ST7: variants seen among roughly 807,000 people sequenced by gnomAD.
The protein encoded by ST7 is suppressor of tumorigenicity 7 protein.
A neutral mutation model predicts 78.7 loss-of-function variants in ST7; 28 were observed. The ratio of observed to expected loss-of-function variants is 0.36; its 90% CI spans 0.26 to 0.49. ST7 has a LOEUF of 0.49. ST7 is among the 20% of genes least tolerant of loss of function. ST7 has a pLI of 0.99. For missense variants in ST7, 418 were observed against 696.0 expected (o/e 0.60, Z 4.49); for synonymous variants, 247 against 249.6 (o/e 0.99, Z 0.10).
intron 1 of ST7, among the ~76,000 whole-genome samples, chr7:116,988,146 A>G (rs1794267286): frequency 6.6e-6 from 1 of 152,206 alleles, no homozygotes; most frequent in Non-Finnish European, 1.5e-5. Flanking sequence ...TATGACTTGT[A>G]AAAATCCAAA....
chr7:117,078,137 C>G (rs915826763), intron 1 of ST7, among the ~76,000 whole-genome samples: 2 of 152,128 alleles, frequency 1.3e-5, no homozygotes, highest in African/African-American at 4.8e-5. Flanking sequence ...ATCCCTAAAT[C>G]TTTTCTAGGA....
intron 3 of ST7, among the ~76,000 whole-genome samples, chr7:117,121,688 A>G (rs911459803): frequency 1.3e-5 from 2 of 152,120 alleles, no homozygotes; most frequent in Non-Finnish European, 2.9e-5. Flanking sequence ...TTAGATTTGT[A>G]TGTTTTCCTC....
At chr7:117,117,806 A>C (rs180749520) in intron 2 of ST7, 1 of 152,306 alleles carries the variant, frequency 6.6e-6, no homozygotes, top group East Asian at 1.9e-4. Flanking sequence ...GGTGTTTTAC[A>C]TGGGGTTAGT....
At position 117,160,243 on chromosome 7, in the gene ST7, A is replaced by G. The variant is rs576835725; in HGVS notation, c.964-10619A>G. 2.6e-3 allele frequency among the ~76,000 whole-genome samples: 391 copies of G among 150,590 alleles called. 3 individuals carry two copies. Among genetic ancestry groups the G allele is most frequent in the African/African-American group, 8.3e-3 (338 of 40,504 alleles). ...GTGAAACTGTGTCTCAAAAAAAAAA[A>G]AAAGAAAGAAAGAAAGAAAACAAAA... On this transcript the variant is annotated intron_variant, in intron 9 of 15. Transcript: ENST00000323984.
Position 117,134,139 on chromosome 7 carries a change from T to C in ST7, c.657T>C (p.Val219=). 1 of 1,611,974 alleles carries C rather than the reference T, an allele frequency of 6.2e-7. No individual in the cohort carries two copies. Among genetic ancestry groups the C allele is most frequent in the Non-Finnish European group, 8.5e-7 (1 of 1,178,748 alleles). Residue 219 remains valine (V), a synonymous_variant, in exon 7 of 16, where the codon GTT becomes GTC. Transcript: ENST00000323984. The stretch of plus-strand genomic sequence containing the variant: ...TCTTGGTCAGAATTAGGTCCAGAGT[T>C]GAAGTTCCCCTAATTGCTTCCTCTA... The part of the protein sequence containing the change: ...ALEINEIRSR[V]EVPLIASSTI...
chr7:117,213,430 A>G (rs2116080689), intron 13 of ST7, among the ~76,000 whole-genome samples: 1 of 152,288 alleles, frequency 6.6e-6, no homozygotes, highest in East Asian at 1.9e-4. Flanking sequence ...AGTTTCTGTC[A>G]AAAGTGTTCT....
At position 117,056,545 on chromosome 7, in the gene ST7, G is replaced by C. The variant is rs532032687; in HGVS notation, c.152-43217G>C. On this transcript the variant is annotated intron_variant, in intron 1 of 15. Coordinates refer to ENST00000323984, the MANE Select transcript of ST7 (RefSeq NM_001369598.1). ...AGCTACTCGGGAGCCTGAGGCAGGAGAATCACTTGAACCCAGGAGGCAGAG... is the reference window on the plus strand; with the variant it reads ...AGCTACTCGGGAGCCTGAGGCAGGACAATCACTTGAACCCAGGAGGCAGAG... 2.7e-3 allele frequency among the ~76,000 whole-genome samples: 416 copies of C among 152,234 alleles called. 3 individuals carry two copies. Among genetic ancestry groups the C allele is most frequent in the African/African-American group, 9.4e-3 (391 of 41,538 alleles).
chr7:117,028,820 G>C (rs1796330130), intron 1 of ST7, among the ~76,000 whole-genome samples: 1 of 152,090 alleles, frequency 6.6e-6, no homozygotes, highest in Admixed American at 6.6e-5. Flanking sequence ...GGATAGCTCT[G>C]GCATATACTA....
chr7:117,214,593 G>A (rs984452879), intron 13 of ST7, among the ~76,000 whole-genome samples: 1 of 152,024 alleles, frequency 6.6e-6, no homozygotes, highest in Non-Finnish European at 1.5e-5. Context: ...CTGTAATTTC[G>A]GAGAAAGCAA....
At chr7:117,180,816 A>T (rs1191103696) in intron 10 of ST7, among the ~76,000 whole-genome samples, 5 of 151,840 alleles carry the variant, frequency 3.3e-5, no homozygotes, top group East Asian at 1.9e-4. Flanking sequence ...TGCCTGGCCA[A>T]TTTTTTCTAT....
At chr7:117,022,274 G>A (rs924916279) in intron 1 of ST7, among the ~76,000 whole-genome samples, 10 of 152,136 alleles carry the variant, frequency 6.6e-5, no homozygotes, top group Non-Finnish European at 1.5e-4. Flanking sequence ...CAGGTTTTTA[G>A]CATTTTTTGT....
At chr7:117,118,706 G>A (rs767323083) in intron 2 of ST7, among the ~76,000 whole-genome samples, 6 of 152,142 alleles carry the variant, frequency 3.9e-5, no homozygotes, top group Admixed American at 2.0e-4. Flanking sequence ...AAAGATGTGG[G>A]GGAGAACCGC....
At chr7:116,990,519 A>G (rs1794379249) in intron 1 of ST7, among the ~76,000 whole-genome samples, 2 of 152,208 alleles carry the variant, frequency 1.3e-5, no homozygotes, top group Admixed American at 1.3e-4. Flanking sequence ...TCCACTGAAA[A>G]AAATAAAAGA....
chr7:116,990,531 G>T (rs1351102820), intron 1 of ST7, among the ~76,000 whole-genome samples: 1 of 152,104 alleles, frequency 6.6e-6, no homozygotes, highest in Non-Finnish European at 1.5e-5. Context: ...AATAAAAGAT[G>T]GTAGAAGTTA....
chr7:116,980,549 G>A (rs1793911333), intron 1 of ST7, among the ~76,000 whole-genome samples: 1 of 152,156 alleles, frequency 6.6e-6, no homozygotes, highest in Non-Finnish European at 1.5e-5. Context: ...TCCCCTCAGT[G>A]CATGTTTGTC....
At chr7:117,010,959 C>T (rs1795360775) in intron 1 of ST7, among the ~76,000 whole-genome samples, 1 of 152,060 alleles carries the variant, frequency 6.6e-6, no homozygotes, top group Non-Finnish European at 1.5e-5. Context: ...CTGAGCTGTC[C>T]TCTATGAAAA....
rs1807873446 is a variant in ST7, at chr7:117,170,027, T to C, written c.964-835T>C. Among the ~76,000 whole-genome samples the C allele has an allele frequency of 2.6e-5, 4 of 152,272 alleles. No homozygotes were observed. In the South Asian group the frequency reaches 8.3e-4, roughly 32 times the overall value. On this transcript the variant is annotated intron_variant, in intron 9 of 15. Coordinates refer to ENST00000323984, the MANE Select transcript of ST7 (RefSeq NM_001369598.1). The stretch of plus-strand genomic sequence containing the variant: ...TTTTCTTTTAACCCGTGTCACTTTC[T>C]AGTTATTTTTCTACTTTTTCTCCTT...
chr7:116,981,196 C>T (rs1220488301), intron 1 of ST7, among the ~76,000 whole-genome samples: 1 of 152,012 alleles, frequency 6.6e-6, no homozygotes, highest in Non-Finnish European at 1.5e-5. Context: ...GCAGCCTCGA[C>T]CTCCCAGGCT....
At chr7:117,061,703 A>G (rs557758475) in intron 1 of ST7, among the ~76,000 whole-genome samples, 7 of 152,282 alleles carry the variant, frequency 4.6e-5, no homozygotes, top group Admixed American at 1.3e-4. Context: ...GGAGGATTAT[A>G]TATATATAAG....
Sources: gnomAD v4.1 joint callset for allele counts (sites outside exome capture counted in the v4.1 genomes callset) on GRCh38, gnomAD v4.1.1 for gene constraint, MANE v1.5 for transcripts, NCBI Gene and HGNC (gene_info 2026-07-23, HGNC 2026-07-21) for gene names.